The following GZMM variants were observed in gnomAD, a reference collection of about 807,000 sequenced individuals.
The protein encoded by GZMM is HU-Met-1.
In GZMM, 23 loss-of-function variants were observed where a neutral mutation model predicts 19.2. The observed-to-expected ratio is 1.20, with a 90% CI of 0.86 to 1.69. The LOEUF (loss-of-function observed/expected upper bound fraction) is 1.69, where lower values mean the gene tolerates loss of function less well. Ranked by LOEUF, GZMM falls within the 40% of genes most tolerant of loss-of-function variation. GZMM has a pLI of 0.00. For missense variants in GZMM, 373 were observed against 352.2 expected, an observed-to-expected ratio of 1.06 and a Z score of -0.47; for synonymous variants, 178 against 160.2, an observed-to-expected ratio of 1.11 and a Z score of -0.84.
At chr19:545,493 GCC>G (rs1568334667) in intron 1 of GZMM, among the ~76,000 whole-genome samples, 5 of 152,158 alleles carry the variant, frequency 3.3e-5, no homozygotes, top group East Asian at 3.9e-4. Flanking sequence ...GATTACAGGC[GCC>G]TGCCACCATG....
intron 1 of GZMM, among the ~76,000 whole-genome samples, chr19:546,086 G>A (rs572936850): frequency 4.6e-5 from 7 of 151,376 alleles, no homozygotes; most frequent in South Asian, 2.2e-4. Flanking sequence ...GCCCGCAAGC[G>A]GGGACTTGAT....
At chr19:547,238 G>T (rs887546083) in intron 1 of GZMM, 42 bp from the exon 2 acceptor site, 3 of 1,460,956 alleles carry the variant, frequency 2.1e-6, no homozygotes. Flanking sequence ...GGCAGCAGGG[G>T]CATGTAGCCC....
chr19:549,761 G>A lies in GZMM; in HGVS notation c.744G>A (p.Trp248Ter). ...CCGCTGTGGCGCCTTACGTGTCCTGGATCAGGAAGGTCACCGGCCGATCGG... is the reference window on the plus strand; with the variant it reads ...CCGCTGTGGCGCCTTACGTGTCCTGAATCAGGAAGGTCACCGGCCGATCGG... ...VATAVAPYVS[W>*]IRKVTGRSA Residue 248 changes from tryptophan (W) to a stop codon, truncating the protein, a stop_gained, in exon 5 of 5, where the codon TGG becomes TGA. Coordinates refer to ENST00000264553, the MANE Select transcript of GZMM (RefSeq NM_005317.4). LOFTEE classifies it low-confidence loss of function (END_TRUNC). 1 of 1,610,370 alleles carries A rather than the reference G, an allele frequency of 6.2e-7. No individual in the cohort carries two copies. The highest frequency in any genetic ancestry group is 8.5e-7 in the Non-Finnish European group (1 of 1,177,898).
In GZMM at chr19:549,045, C is replaced by A. The variant is rs202213878; in HGVS notation, c.472C>A (p.Arg158Ser). ...AGWGLTHQGGRLSRVLRELDL... is the reference protein window; with the variant it reads ...AGWGLTHQGGSLSRVLRELDL... ...CTGGGGGCTGACCCACCAGGGCGGGCGCCTGTCCCGGGTGCTGCGGGAGCT... is the reference window on the plus strand; with the variant it reads ...CTGGGGGCTGACCCACCAGGGCGGGAGCCTGTCCCGGGTGCTGCGGGAGCT... The change falls in exon 4 of 5, where the codon CGC (arginine) becomes AGC (serine). Residue 158 changes from arginine to serine, a missense_variant. By Grantham distance (110) the Arg-to-Ser change is moderately radical (BLOSUM62 -1). Transcript: ENST00000264553. The A allele has an allele frequency of 8.8e-6, 14 of 1,596,802 alleles. No individual in the cohort carries two copies. Among genetic ancestry groups the A allele is most frequent in the Non-Finnish European group, 1.2e-5 (14 of 1,173,398 alleles).
chr19:548,037 G>T (rs958718284), intron 2 of GZMM, among the ~76,000 whole-genome samples: 20 of 152,178 alleles, frequency 1.3e-4, no homozygotes, highest in African/African-American at 4.6e-4. Context: ...CTTGATCCAG[G>T]TGCTCACAGG....
intron 1 of GZMM, among the ~76,000 whole-genome samples, chr19:546,059 C>T (rs1453842458): frequency 2.1e-5 from 2 of 97,374 alleles, no homozygotes; most frequent in Non-Finnish European, 4.3e-5. Flanking sequence ...GGATTATAGG[C>T]GTGAGCCACT....
chr19:545,349 A>C (rs1351123770), intron 1 of GZMM, among the ~76,000 whole-genome samples: 1 of 152,168 alleles, frequency 6.6e-6, no homozygotes, highest in Admixed American at 6.5e-5. Context: ...CCCAGGGTGC[A>C]GGCAGCTTGC....
At position 549,037 on chromosome 19, in the gene GZMM, AG is replaced by A; in HGVS notation, c.467del (p.Gly156AlafsTer107). ...CSMAGWGLTH[Q>X]GGRLSRVLRE... Reference sequence around the variant, plus strand: ...ATGGCCGGCTGGGGGCTGACCCACCAGGGCGGGCGCCTGTCCCGGGTGCTGC... The same window carrying A: ...ATGGCCGGCTGGGGGCTGACCCACCAGGCGGGCGCCTGTCCCGGGTGCTGC... On this transcript the variant is annotated frameshift_variant, in exon 4 of 5. Coordinates refer to ENST00000264553, the MANE Select transcript of GZMM (RefSeq NM_005317.4). LOFTEE classifies it high-confidence loss of function. The A allele has an allele frequency of 1.3e-6, 2 of 1,599,078 alleles. No homozygotes were observed. The highest frequency in any genetic ancestry group is 1.7e-6 in the Non-Finnish European group (2 of 1,174,634).
chr19:548,754 C>CT, intron 3 of GZMM, 77 bp downstream of exon 3: 9 of 1,264,630 alleles, frequency 7.1e-6, no homozygotes, highest in Non-Finnish European at 9.9e-6. Context: ...CTGCGCCCTC[C>CT]CCCCGCTGCC....
rs1205782965 is a variant in GZMM at position 548,670 on chromosome 19, T to C, written c.341T>C (p.Leu114Pro). ...CCTGCCCTGGAGAACGACCTCGCGC[T>C]GCTTCAGGTGTGCAGGGACGGGACA... ...PVPALENDLALLQLDGKVKPS... is the reference protein window; with the variant it reads ...PVPALENDLAPLQLDGKVKPS... Residue 114 changes from leucine to proline, a missense_variant, in exon 3 of 5, where the codon CTG becomes CCG. Transcript: ENST00000264553. 2 of 1,612,712 alleles carry C rather than the reference T, an allele frequency of 1.2e-6. No homozygotes were observed. Among genetic ancestry groups the C allele is most frequent in the Non-Finnish European group, 1.7e-6 (2 of 1,179,602 alleles).
chr19:548,928 G>T lies in GZMM; in HGVS notation c.355G>T (p.Gly119Trp). ...ENDLALLQLDGKVKPSRTIRP... is the reference protein window; with the variant it reads ...ENDLALLQLDWKVKPSRTIRP... ...CCCTTCCTGTCACTCGTAGCTGGACGGGAAAGTGAAGCCCAGCCGGACCAT... is the reference window on the plus strand; with the variant it reads ...CCCTTCCTGTCACTCGTAGCTGGACTGGAAAGTGAAGCCCAGCCGGACCAT... The change falls in exon 4 of 5, where the codon GGG becomes TGG. Residue 119 changes from glycine to tryptophan, a missense_variant. By Grantham distance (184) the Gly-to-Trp change is radical (BLOSUM62 -2). Coordinates refer to ENST00000264553, the MANE Select transcript of GZMM (RefSeq NM_005317.4). 6.4e-7 allele frequency: 1 copy of T among 1,567,518 alleles called. No individual in the cohort carries two copies. The highest frequency in any genetic ancestry group is 1.2e-5 in the South Asian group (1 of 85,920).
At position 547,346 on chromosome 19, in the gene GZMM, C is replaced by T. The variant is rs61729586; in HGVS notation, c.122C>T (p.Ala41Val). The part of the protein sequence containing the change: ...EVIPHSRPYM[A>V]SLQRNGSHLC... ...ATCCCCCACTCGCGCCCGTACATGGCCTCACTGCAGAGAAATGGCTCCCAC... is the reference window on the plus strand; with the variant it reads ...ATCCCCCACTCGCGCCCGTACATGGTCTCACTGCAGAGAAATGGCTCCCAC... The change falls in exon 2 of 5, where the codon GCC becomes GTC. Residue 41 changes from alanine to valine, a missense_variant. Coordinates refer to ENST00000264553, the MANE Select transcript of GZMM (RefSeq NM_005317.4). 4,864 of 1,579,500 alleles carry T rather than the reference C, an allele frequency of 3.1e-3. 23 individuals carry two copies. Among genetic ancestry groups the T allele is most frequent in the African/African-American group, 0.02 (1,479 of 72,968 alleles).
chr19:546,721 C>T (rs528157102), intron 1 of GZMM, among the ~76,000 whole-genome samples: 29 of 151,864 alleles, frequency 1.9e-4, no homozygotes, highest in Non-Finnish European at 3.5e-4. Context: ...GCCTGTAGTC[C>T]CAGCTACTCG....
At chr19:547,237 G>T in intron 1 of GZMM, 43 bp from the exon 2 acceptor site, 1 of 1,460,002 alleles carries the variant, frequency 6.8e-7, no homozygotes, top group Non-Finnish European at 9.1e-7. Flanking sequence ...AGGCAGCAGG[G>T]GCATGTAGCC....
rs1980414601 is a variant in GZMM, at chr19:549,145, T to G, written c.572T>G (p.Val191Gly). Residue 191 changes from valine (V) to glycine (G), a missense_variant, in exon 4 of 5, where the codon GTC becomes GGC. Val to Gly is a moderately radical substitution (Grantham distance 109). Transcript: ENST00000264553. ...AACGGCAGCCTCTCCCCCAGCATGG[T>G]CTGCCTGGCGGCCGACTCCAAGGAC... ...FWNGSLSPSM[V>G]CLAADSKDQA... is the part of the protein sequence containing the mutation. 1 of 1,578,998 alleles carries G rather than the reference T, an allele frequency of 6.3e-7. No individual in the cohort carries two copies. The highest frequency in any genetic ancestry group is 8.6e-7 in the Non-Finnish European group (1 of 1,163,408).
chr19:546,765 G>A (rs1980298450), intron 1 of GZMM, among the ~76,000 whole-genome samples: 1 of 152,062 alleles, frequency 6.6e-6, no homozygotes, highest in Non-Finnish European at 1.5e-5. Flanking sequence ...ATGAACCCAG[G>A]AGGCGGAGCT....
intron 2 of GZMM, 91 bp from the exon 3 acceptor site, chr19:548,451 T>C: frequency 2.3e-6 from 3 of 1,332,680 alleles, no homozygotes; most frequent in Middle Eastern, 2.0e-4. Context: ...GTGATGGCCA[T>C]GGACAACGGG....
intron 1 of GZMM, among the ~76,000 whole-genome samples, chr19:546,837 C>CA (rs993136846): frequency 3.6e-5 from 4 of 111,056 alleles, no homozygotes; most frequent in South Asian, 3.7e-4. Flanking sequence ...GACTCTGTCT[C>CA]AAAAAAAAAG....
In GZMM at chr19:549,074, C is replaced by T; in HGVS notation, c.501C>T (p.Asp167=). 6.3e-7 allele frequency: 1 copy of T among 1,589,988 alleles called. No individual in the cohort carries two copies. ...GRLSRVLREL[D]LQVLDTRMCN... ...TGTCCCGGGTGCTGCGGGAGCTGGA[C>T]CTCCAAGTGCTGGACACCCGCATGT... Residue 167 remains aspartate, a synonymous_variant, in exon 4 of 5, where the codon GAC becomes GAT. Transcript: ENST00000264553.
Sources: gnomAD v4.1 joint callset for allele counts (sites outside exome capture counted in the v4.1 genomes callset) on GRCh38, gnomAD v4.1.1 for gene constraint, MANE v1.5 for transcripts, NCBI Gene and HGNC (gene_info 2026-07-23, HGNC 2026-07-21) for gene names.